The following TMEM272 variants were observed in gnomAD, a reference collection of about 807,000 sequenced individuals.
TMEM272 encodes the protein long intergenic non-protein coding RNA 282.
TMEM272 carries 8 observed loss-of-function variants against 3.7 expected under a neutral mutation model. The ratio of observed to expected loss-of-function variants is 2.17; its 90% confidence interval spans 1.27 to 3.91. TMEM272 has a LOEUF of 3.91. Ranked by LOEUF, TMEM272 falls within the 30% of genes most tolerant of loss-of-function variation. The pLI is 0.00. For synonymous variants in TMEM272, 63 were observed against 39.8 expected (o/e 1.58, Z -2.20); for missense variants, 166 against 91.5 (o/e 1.81, Z -3.32).
chr13:51,889,496 C>T, the TMEM272 span, among the ~76,000 whole-genome samples: 3 of 152,206 alleles, frequency 2.0e-5, no homozygotes, highest in Non-Finnish European at 4.4e-5. Context: ...AAGTGGCCAT[C>T]TGCAAGCCAA....
intron 4 of TMEM272, among the ~76,000 whole-genome samples, chr13:51,818,604 G>A (rs1435316578): frequency 6.6e-6 from 1 of 152,200 alleles, no homozygotes; most frequent in African/African-American, 2.4e-5. Flanking sequence ...TGAGGCTAGA[G>A]GTACTAAATA....
chr13:51,916,855 T>A, the TMEM272 span, among the ~76,000 whole-genome samples: 34 of 152,198 alleles, frequency 2.2e-4, no homozygotes, highest in African/African-American at 7.7e-4. Flanking sequence ...CCTTCAACTC[T>A]TCCTCCACCC....
the TMEM272 span, among the ~76,000 whole-genome samples, chr13:51,929,272 AC>A: frequency 6.6e-6 from 1 of 152,308 alleles, no homozygotes; most frequent in East Asian, 1.9e-4. Flanking sequence ...AAATACGTTG[AC>A]TGTCGAGTCA....
At chr13:51,926,271 G>A in the TMEM272 span, among the ~76,000 whole-genome samples, 1 of 152,156 alleles carries the variant, frequency 6.6e-6, no homozygotes, top group Admixed American at 6.5e-5. Flanking sequence ...GGGACCTGGA[G>A]ATGGGAGCCC....
chr13:51,853,069 T>C, the TMEM272 span, among the ~76,000 whole-genome samples: 1 of 151,986 alleles, frequency 6.6e-6, no homozygotes, highest in Non-Finnish European at 1.5e-5. Context: ...GTATTATATA[T>C]ACTGTGTTCT....
Position 51,813,490 on chromosome 13 carries a change from G to A in TMEM272, c.*3261C>T. The A allele has an allele frequency of 5.3e-6, 2 of 380,764 alleles. No homozygotes were observed. Among genetic ancestry groups the A allele is most frequent in the East Asian group, 3.7e-5 (1 of 26,722 alleles). 23.6% of individuals were successfully genotyped at this position (380,764 alleles called of 1,614,324 possible). On this transcript the variant is annotated 3_prime_UTR_variant, in exon 5 of 5. Coordinates refer to ENST00000629372, the MANE Select transcript of TMEM272 (RefSeq NM_001351003.2). ...AGAGAAGGAAATAACACGAAGTACT[G>A]GAAGTGACATTATATTGTCCTCATG...
At chr13:51,866,197 T>G in the TMEM272 span, 1 of 885,408 alleles carries the variant, frequency 1.1e-6, no homozygotes, top group South Asian at 2.3e-5. Flanking sequence ...CTTTGAAAGA[T>G]CCAATAAAGT....
chr13:51,891,666 C>T, the TMEM272 span, among the ~76,000 whole-genome samples: 7 of 152,288 alleles, frequency 4.6e-5, no homozygotes, highest in East Asian at 1.9e-4. Context: ...GACATCTGCA[C>T]GAAGGATTCC....
the TMEM272 span, chr13:51,866,170 A>G: frequency 9.4e-7 from 1 of 1,064,588 alleles, no homozygotes; most frequent in Non-Finnish European, 1.3e-6. Context: ...GAAAATACAC[A>G]CTCATTGGTC....
the TMEM272 span, among the ~76,000 whole-genome samples, chr13:51,861,131 A>T: frequency 6.6e-6 from 1 of 152,150 alleles, no homozygotes; most frequent in African/African-American, 2.4e-5. Context: ...GTAGAATATT[A>T]AAAAAATTAA....
chr13:51,881,560 G>A, the TMEM272 span, among the ~76,000 whole-genome samples: 2 of 152,172 alleles, frequency 1.3e-5, no homozygotes, highest in African/African-American at 2.4e-5. Flanking sequence ...TGGTCTGAAT[G>A]TATGTGAGCT....
chr13:51,819,325 G>A (rs1057482358), intron 4 of TMEM272, among the ~76,000 whole-genome samples: 7 of 152,182 alleles, frequency 4.6e-5, no homozygotes, highest in African/African-American at 9.7e-5. Flanking sequence ...ACACCAGCTC[G>A]CTGTTTCCTC....
chr13:51,865,546 A>C, the TMEM272 span: 18 of 1,614,158 alleles, frequency 1.1e-5, no homozygotes, highest in East Asian at 3.8e-4. Flanking sequence ...AAGAGATGAA[A>C]ATTTTTCGTG....
the TMEM272 span, chr13:51,909,651 GC>G: frequency 6.6e-7 from 1 of 1,514,724 alleles, no homozygotes; most frequent in African/African-American, 1.4e-5. Context: ...TGTTAAAGAA[GC>G]ATTTAACTTA....
chr13:51,839,022 A>G (rs1024686849), intron 1 of TMEM272, among the ~76,000 whole-genome samples: 7 of 152,040 alleles, frequency 4.6e-5, no homozygotes, highest in Non-Finnish European at 7.4e-5. Context: ...CAGAACCCAA[A>G]CTTGATCCAG....
intron 1 of TMEM272, among the ~76,000 whole-genome samples, chr13:51,843,220 A>T (rs9630340): frequency 0.013 from 1,953 of 152,288 alleles, 45 homozygotes; most frequent in African/African-American, 0.045. Context: ...TTATGACCCA[A>T]GATATGGATT....
chr13:51,920,650 T>C, the TMEM272 span, among the ~76,000 whole-genome samples: 3 of 152,198 alleles, frequency 2.0e-5, no homozygotes, highest in Non-Finnish European at 4.4e-5. Context: ...TATCTTCCCA[T>C]GGCAATCCCC....
At chr13:51,908,914 C>T in the TMEM272 span, 1 of 1,399,388 alleles carries the variant, frequency 7.1e-7, no homozygotes, top group South Asian at 1.2e-5. Context: ...TCTCCTCTTT[C>T]CTTGGTAATC....
the TMEM272 span, among the ~76,000 whole-genome samples, chr13:51,907,006 A>G: frequency 6.6e-6 from 1 of 152,160 alleles, no homozygotes; most frequent in African/African-American, 2.4e-5. Context: ...TTGTTTGCAA[A>G]AACAACTGCA....
Sources: gnomAD v4.1 joint callset for allele counts (sites outside exome capture counted in the v4.1 genomes callset) on GRCh38, gnomAD v4.1.1 for gene constraint, MANE v1.5 for transcripts, NCBI Gene and HGNC (gene_info 2026-07-23, HGNC 2026-07-21) for gene names.